The following NCAM1 variants were observed in gnomAD, a reference collection of about 807,000 sequenced individuals.
NCAM1 encodes antigen recognized by monoclonal antibody 5.1H11.
In NCAM1, 14 loss-of-function variants were observed where a neutral mutation model predicts 109.8. That is an observed-to-expected ratio of 0.13 (90% CI 0.08 to 0.20). NCAM1 has a LOEUF of 0.20. Among genes scored for constraint, NCAM1 ranks in the 10% least tolerant of loss-of-function variants. The pLI is 1.00. For synonymous variants in NCAM1, 418 were observed against 442.9 expected, an observed-to-expected ratio of 0.94 and a Z score of 0.70; for missense variants, 774 against 1,109.9, an observed-to-expected ratio of 0.70 and a Z score of 4.30.
intron 16 of NCAM1, among the ~76,000 whole-genome samples, chr11:113,258,021 T>G (rs1945876010): frequency 6.6e-6 from 1 of 152,240 alleles, no homozygotes; most frequent in Admixed American, 6.5e-5. Flanking sequence ...CCCTTTTGCC[T>G]GGGAGGACTG....
chr11:113,156,214 G>T (rs1942403954), intron 1 of NCAM1, among the ~76,000 whole-genome samples: 1 of 152,174 alleles, frequency 6.6e-6, no homozygotes, highest in African/African-American at 2.4e-5. Flanking sequence ...TTACTAAGAG[G>T]AAGACATTAA....
intron 1 of NCAM1, among the ~76,000 whole-genome samples, chr11:113,118,460 A>G (rs1487836202): frequency 6.6e-6 from 1 of 152,006 alleles, no homozygotes; most frequent in Non-Finnish European, 1.5e-5. Flanking sequence ...GTGGCCTAAA[A>G]GCACCTGCCT....
chr11:113,199,268 T>G (rs1202178446), intron 1 of NCAM1, among the ~76,000 whole-genome samples: 3 of 151,718 alleles, frequency 2.0e-5, no homozygotes, highest in Non-Finnish European at 2.9e-5. Context: ...AAGGTGAAAG[T>G]TGAGGTAGGA....
At chr11:113,061,216 T>C (rs991728590) in intron 1 of NCAM1, among the ~76,000 whole-genome samples, 2 of 152,166 alleles carry the variant, frequency 1.3e-5, no homozygotes, top group Non-Finnish European at 2.9e-5. Context: ...ATATCCTCTA[T>C]ATTGTTGCAA....
At chr11:113,106,541 A>G (rs1940174119) in intron 1 of NCAM1, among the ~76,000 whole-genome samples, 1 of 152,246 alleles carries the variant, frequency 6.6e-6, no homozygotes, top group Non-Finnish European at 1.5e-5. Flanking sequence ...AAAGTCCATT[A>G]TATACCAAAT....
chr11:113,183,345 C>T (rs180874613), intron 1 of NCAM1, among the ~76,000 whole-genome samples: 43 of 152,248 alleles, frequency 2.8e-4, no homozygotes, highest in Admixed American at 1.8e-3. Context: ...CTGTCTGTCC[C>T]GCTCCTCCAG....
At chr11:113,068,681 T>C (rs1938102156) in intron 1 of NCAM1, among the ~76,000 whole-genome samples, 1 of 152,170 alleles carries the variant, frequency 6.6e-6, no homozygotes, top group Non-Finnish European at 1.5e-5. Context: ...GAACATATTG[T>C]GATGTAAACA....
chr11:113,239,390 C>T (rs1157189495), intron 14 of NCAM1, among the ~76,000 whole-genome samples: 2 of 152,184 alleles, frequency 1.3e-5, no homozygotes, highest in East Asian at 3.8e-4. Context: ...GACTGAGCTA[C>T]CCACCTTCAT....
chr11:113,186,766 G>T (rs1943520599), intron 1 of NCAM1, among the ~76,000 whole-genome samples: 1 of 152,230 alleles, frequency 6.6e-6, no homozygotes. Context: ...GCTGATCAGG[G>T]TCTCATGGAG....
At chr11:113,066,463 G>A (rs147493676) in intron 1 of NCAM1, among the ~76,000 whole-genome samples, 450 of 152,170 alleles carry the variant, frequency 3.0e-3, no homozygotes, top group African/African-American at 0.01. Flanking sequence ...AGGTAAAAAG[G>A]CCAAGTGTTT....
intron 1 of NCAM1, among the ~76,000 whole-genome samples, chr11:113,100,631 C>T (rs1939830907): frequency 1.3e-5 from 2 of 152,108 alleles, no homozygotes; most frequent in Non-Finnish European, 2.9e-5. Flanking sequence ...GTTCAGCTGC[C>T]TCTTTGACAT....
At chr11:113,140,009 A>C (rs1404013072) in intron 1 of NCAM1, among the ~76,000 whole-genome samples, 1 of 152,224 alleles carries the variant, frequency 6.6e-6, no homozygotes. Flanking sequence ...TTCATACCTC[A>C]AGTGATAAGC....
At chr11:113,245,407 A>C (rs1328953275) in intron 14 of NCAM1, among the ~76,000 whole-genome samples, 1 of 152,250 alleles carries the variant, frequency 6.6e-6, no homozygotes, top group Non-Finnish European at 1.5e-5. Flanking sequence ...ATGCCACTGC[A>C]CTGCAGCCTG....
chr11:113,044,660 G>T (rs1444060734), intron 1 of NCAM1, among the ~76,000 whole-genome samples: 1 of 151,898 alleles, frequency 6.6e-6, no homozygotes, highest in Non-Finnish European at 1.5e-5. Flanking sequence ...ACTCCAGCCT[G>T]GGCGACAGAG....
At chr11:112,966,926 A>G (rs1251538981) in intron 1 of NCAM1, among the ~76,000 whole-genome samples, 4 of 152,264 alleles carry the variant, frequency 2.6e-5, no homozygotes, top group African/African-American at 9.6e-5. Flanking sequence ...AGAGGACTGC[A>G]CTAAAAGGAT....
chr11:113,038,440 C>T (rs1011507581), intron 1 of NCAM1, among the ~76,000 whole-genome samples: 4 of 152,268 alleles, frequency 2.6e-5, no homozygotes, highest in African/African-American at 7.2e-5. Context: ...TTCTTTAGTC[C>T]GGACTTGACT....
intron 1 of NCAM1, among the ~76,000 whole-genome samples, chr11:113,134,589 A>G (rs1471603590): frequency 1.3e-5 from 2 of 152,100 alleles, no homozygotes; most frequent in Admixed American, 6.5e-5. Context: ...CTGAACACTC[A>G]TCTTGAGGCT....
chr11:112,995,114 G>A (rs949611012), intron 1 of NCAM1, among the ~76,000 whole-genome samples: 3 of 152,016 alleles, frequency 2.0e-5, no homozygotes, highest in Non-Finnish European at 2.9e-5. Flanking sequence ...AAATGCTTTC[G>A]TACCTACTGC....
intron 1 of NCAM1, among the ~76,000 whole-genome samples, chr11:113,119,987 G>C (rs1469721201): frequency 6.6e-6 from 1 of 152,186 alleles, no homozygotes; most frequent in Non-Finnish European, 1.5e-5. Flanking sequence ...AAACTAAATT[G>C]CTGGAGGATG....
Sources: allele counts gnomAD v4.1 joint callset (sites outside exome capture counted in the v4.1 genomes callset), GRCh38; gene constraint gnomAD v4.1.1; transcripts MANE v1.5; gene names NCBI Gene and HGNC (gene_info 2026-07-23, HGNC 2026-07-21).